SLC35F3: variants seen among roughly 807,000 people sequenced by gnomAD.
SLC35F3 encodes putative thiamine transporter SLC35F3.
SLC35F3 carries 25 observed loss-of-function variants against 49.9 expected under a neutral mutation model. That is an observed-to-expected ratio of 0.50 (90% CI 0.37 to 0.70). SLC35F3 has a LOEUF of 0.70. Ranked by LOEUF, SLC35F3 falls within the 30% of genes least tolerant of loss-of-function variation. SLC35F3 has a pLI of 0.00. For synonymous variants in SLC35F3, 275 were observed against 265.4 expected (o/e 1.04, Z -0.35); for missense variants, 525 against 639.8 (o/e 0.82, Z 1.94).
chr1:234,009,770 T>G (rs1382230260), intron 2 of SLC35F3, among the ~76,000 whole-genome samples: 1 of 152,200 alleles, frequency 6.6e-6, no homozygotes, highest in Non-Finnish European at 1.5e-5. Context: ...CTTTATCACC[T>G]ACAAGTGAAT....
chr1:234,275,895 A>G (rs1184802149), intron 3 of SLC35F3, among the ~76,000 whole-genome samples: 1 of 152,052 alleles, frequency 6.6e-6, no homozygotes, highest in Non-Finnish European at 1.5e-5. Flanking sequence ...CCGAATAAGA[A>G]CTCAGTAGAG....
chr1:234,271,866 T>C (rs1668112336), intron 3 of SLC35F3, among the ~76,000 whole-genome samples: 1 of 152,194 alleles, frequency 6.6e-6, no homozygotes, highest in Admixed American at 6.5e-5. Context: ...GGCTCAGGTC[T>C]GTAATCCCAG....
chr1:234,213,506 C>T (rs1667071603), intron 2 of SLC35F3: 1 of 152,302 alleles, frequency 6.6e-6, no homozygotes, highest in Admixed American at 6.5e-5. Context: ...AAATGCCCCT[C>T]CGGACTCAGT....
intron 2 of SLC35F3, among the ~76,000 whole-genome samples, chr1:234,010,194 G>A (rs1346564935): frequency 1.3e-5 from 2 of 152,164 alleles, no homozygotes; most frequent in Admixed American, 1.3e-4. Flanking sequence ...ATTACAAAAT[G>A]ATGAAAGTTT....
intron 2 of SLC35F3, among the ~76,000 whole-genome samples, chr1:234,098,760 CTG>C (rs1410782100): frequency 8.2e-6 from 1 of 122,532 alleles, no homozygotes; most frequent in East Asian, 2.6e-4. Flanking sequence ...ATGGTGGTGA[CTG>C]TGTTGGTGGT....
chr1:233,924,180 C>G (rs1662116755), intron 2 of SLC35F3, among the ~76,000 whole-genome samples: 1 of 152,170 alleles, frequency 6.6e-6, no homozygotes, highest in Non-Finnish European at 1.5e-5. Context: ...CGGAAAATTC[C>G]CTTTTTTTCT....
chr1:233,914,150 A>G (rs1661930425), intron 2 of SLC35F3, among the ~76,000 whole-genome samples: 1 of 151,450 alleles, frequency 6.6e-6, no homozygotes, highest in Non-Finnish European at 1.5e-5. Flanking sequence ...CGTGTAGATT[A>G]GACCAGGGGT....
chr1:233,932,670 A>G (rs1415414349), intron 2 of SLC35F3, among the ~76,000 whole-genome samples: 1 of 152,354 alleles, frequency 6.6e-6, no homozygotes, highest in East Asian at 1.9e-4. Context: ...ATTTAGGGAA[A>G]GGGAGCCACT....
chr1:233,949,794 T>G (rs929066451), intron 2 of SLC35F3, among the ~76,000 whole-genome samples: 1 of 152,028 alleles, frequency 6.6e-6, no homozygotes, highest in Non-Finnish European at 1.5e-5. Flanking sequence ...ACAGAGAACG[T>G]AAGACATCAG....
chr1:233,920,251 T>C (rs1662037726), intron 2 of SLC35F3, among the ~76,000 whole-genome samples: 1 of 152,210 alleles, frequency 6.6e-6, no homozygotes, highest in African/African-American at 2.4e-5. Flanking sequence ...GCTATAATGT[T>C]AAAGAACAAG....
intron 2 of SLC35F3, among the ~76,000 whole-genome samples, chr1:233,964,633 TAA>T (rs1295417913): frequency 6.6e-6 from 1 of 152,216 alleles, no homozygotes; most frequent in African/African-American, 2.4e-5. Flanking sequence ...ACATTCAAGC[TAA>T]GAGCTAAACA....
intron 2 of SLC35F3, among the ~76,000 whole-genome samples, chr1:234,078,377 C>T (rs1664827877): frequency 6.6e-6 from 1 of 152,154 alleles, no homozygotes; most frequent in South Asian, 2.1e-4. Flanking sequence ...TCCACTCCAG[C>T]TGGCTTCTGG....
intron 2 of SLC35F3, among the ~76,000 whole-genome samples, chr1:234,206,388 A>G (rs1666970102): frequency 1.3e-5 from 2 of 149,212 alleles, no homozygotes; most frequent in South Asian, 4.3e-4. Flanking sequence ...GGGTGCCCAG[A>G]GGCATCCGGC....
At chr1:234,132,152 G>C (rs1665746366) in intron 2 of SLC35F3, among the ~76,000 whole-genome samples, 1 of 152,194 alleles carries the variant, frequency 6.6e-6, no homozygotes, top group Non-Finnish European at 1.5e-5. Context: ...CAGGCAGTCA[G>C]ATTCTCCTGC....
intron 2 of SLC35F3, among the ~76,000 whole-genome samples, chr1:234,100,524 C>G (rs1665199230): frequency 6.6e-6 from 1 of 152,178 alleles, no homozygotes; most frequent in South Asian, 2.1e-4. Context: ...CTTAGAATTC[C>G]TGGGAGATTT....
chr1:233,960,742 A>G (rs1662785980), intron 2 of SLC35F3, among the ~76,000 whole-genome samples: 1 of 152,214 alleles, frequency 6.6e-6, no homozygotes, highest in Admixed American at 6.5e-5. Context: ...GCCAGAATGG[A>G]ACCCCACTGC....
chr1:234,192,509 A>G (rs1666746336), intron 2 of SLC35F3, among the ~76,000 whole-genome samples: 1 of 152,210 alleles, frequency 6.6e-6, no homozygotes, highest in African/African-American at 2.4e-5. Context: ...AATGGGGAAA[A>G]GTTGAAAGCA....
chr1:234,050,793 C>T (rs1307815888), intron 2 of SLC35F3, among the ~76,000 whole-genome samples: 1 of 152,094 alleles, frequency 6.6e-6, no homozygotes, highest in Non-Finnish European at 1.5e-5. Context: ...AGTCTTTAAC[C>T]CATCTTGAAT....
At chr1:234,238,685 A>G (rs1667511525) in intron 3 of SLC35F3, among the ~76,000 whole-genome samples, 1 of 152,176 alleles carries the variant, frequency 6.6e-6, no homozygotes, top group African/African-American at 2.4e-5. Context: ...AATGACAGCC[A>G]AACACCCCTA....
Sources: allele counts gnomAD v4.1 joint callset (sites outside exome capture counted in the v4.1 genomes callset), GRCh38; gene constraint gnomAD v4.1.1; transcripts MANE v1.5; gene names NCBI Gene and HGNC (gene_info 2026-07-23, HGNC 2026-07-21).